FOXP2: variants seen among roughly 807,000 people sequenced by gnomAD.
The protein encoded by FOXP2 is forkhead box P2, also known as forkhead box protein P2.
A neutral mutation model predicts 115.8 loss-of-function variants in FOXP2; 12 were observed. The observed-to-expected ratio is 0.10, with a 90% confidence interval of 0.07 to 0.17. The LOEUF is 0.17. FOXP2 is among the 10% of genes least tolerant of loss of function. FOXP2 has a pLI of 1.00. For missense variants in FOXP2, 629 were observed against 843.5 expected (o/e 0.75, Z 3.15); for synonymous variants, 328 against 297.7 (o/e 1.10, Z -1.05).
chr7:114,168,255 G>T (rs1018064005), intron 1 of FOXP2, among the ~76,000 whole-genome samples: 2 of 152,170 alleles, frequency 1.3e-5, no homozygotes, highest in Non-Finnish European at 2.9e-5. Context: ...AGTTTGGAGG[G>T]CTCAGAAGAA....
At chr7:114,625,381 A>G (rs1481212814) in intron 3 of FOXP2, among the ~76,000 whole-genome samples, 1 of 151,796 alleles carries the variant, frequency 6.6e-6, no homozygotes, top group Admixed American at 6.6e-5. Context: ...ATTTGCATGA[A>G]TCAAATTACA....
chr7:114,236,909 G>A (rs117051740), intron 1 of FOXP2, among the ~76,000 whole-genome samples: 331 of 152,242 alleles, frequency 2.2e-3, no homozygotes, highest in Non-Finnish European at 3.9e-3. Flanking sequence ...CCCAGGAGGT[G>A]AAGGCTGCAG....
chr7:114,652,576 G>A (rs1453055956), intron 9 of FOXP2, among the ~76,000 whole-genome samples: 3 of 152,018 alleles, frequency 2.0e-5, no homozygotes, highest in Non-Finnish European at 4.4e-5. Flanking sequence ...TCCCAATGCA[G>A]GTTAGACCAA....
At chr7:114,386,798 T>A (rs576553570) in intron 2 of FOXP2, among the ~76,000 whole-genome samples, 2 of 152,376 alleles carry the variant, frequency 1.3e-5, no homozygotes, top group African/African-American at 2.4e-5. Flanking sequence ...CATATCTTGC[T>A]ATTGTAATTA....
intron 3 of FOXP2, among the ~76,000 whole-genome samples, chr7:114,575,575 G>C (rs1801529520): frequency 6.6e-6 from 1 of 151,798 alleles, no homozygotes; most frequent in Non-Finnish European, 1.5e-5. Context: ...TTAAGTGGAA[G>C]ACAGCTAAGT....
Position 114,653,911 on chromosome 7 carries a change from A to T in FOXP2, c.1183-15A>T. 6.2e-7 allele frequency: 1 copy of T among 1,611,524 alleles called. No homozygotes were observed. Among genetic ancestry groups the T allele is most frequent in the Non-Finnish European group, 8.5e-7 (1 of 1,178,496 alleles). ...TCATTTCTAAAACGCTTCTGATCTCACTCTTTCTTAACAGCTTTCTAAAGA... is the reference window on the plus strand; with the variant it reads ...TCATTTCTAAAACGCTTCTGATCTCTCTCTTTCTTAACAGCTTTCTAAAGA... On this transcript the variant is annotated splice_polypyrimidine_tract_variant and intron_variant, in intron 9 of 16. Coordinates refer to ENST00000350908, the MANE Select transcript of FOXP2 (RefSeq NM_014491.4).
chr7:114,384,807 T>G (rs764565610), intron 2 of FOXP2, among the ~76,000 whole-genome samples: 12 of 151,706 alleles, frequency 7.9e-5, no homozygotes, highest in Non-Finnish European at 1.8e-4. Flanking sequence ...CCTCTAAAAG[T>G]TACTTTTCTA....
rs145274023 is a variant in FOXP2 at position 114,530,702 on chromosome 7, CA to C, written c.169-3913del. ...GCATTTTCATCCTTAGTTAATTACA[CA>C]ATGACCTACTCATTAGAATTATTCT... is the stretch of plus-strand genomic sequence containing the variant. On this transcript the variant is annotated intron_variant, in intron 2 of 16. Transcript: ENST00000350908. Among the ~76,000 whole-genome samples the C allele has an allele frequency of 1.5e-3, 224 of 151,880 alleles. 1 individual carries two copies. Among genetic ancestry groups the C allele is most frequent in the East Asian group, 0.012 (60 of 5,172 alleles).
intron 1 of FOXP2, among the ~76,000 whole-genome samples, chr7:114,181,476 C>G (rs1377327395): frequency 1.3e-5 from 2 of 151,812 alleles, no homozygotes; most frequent in Non-Finnish European, 2.9e-5. Flanking sequence ...GGTAAATGAA[C>G]CTCTGCTGTC....
chr7:114,329,359 AAT>A (rs1403526816), intron 2 of FOXP2, among the ~76,000 whole-genome samples: 1 of 151,848 alleles, frequency 6.6e-6, no homozygotes, highest in East Asian at 2.0e-4. Flanking sequence ...CTCTACTAAA[AAT>A]AGAAAAAATT....
intron 2 of FOXP2, among the ~76,000 whole-genome samples, chr7:114,517,049 G>C (rs1055925814): frequency 4.0e-5 from 6 of 151,812 alleles, no homozygotes; most frequent in Admixed American, 3.3e-4. Context: ...CATTCTAACA[G>C]ATGTGAGATG....
At chr7:114,352,036 G>A (rs778218530) in intron 2 of FOXP2, among the ~76,000 whole-genome samples, 15 of 151,992 alleles carry the variant, frequency 9.9e-5, no homozygotes, top group Non-Finnish European at 1.8e-4. Flanking sequence ...GGGAGGCCGA[G>A]TCAGATGGAT....
intron 2 of FOXP2, among the ~76,000 whole-genome samples, chr7:114,356,636 CAT>C (rs1791623254): frequency 6.6e-6 from 1 of 152,118 alleles, no homozygotes; most frequent in South Asian, 2.1e-4. Flanking sequence ...GTGAATACCA[CAT>C]GTTCTTGAAG....
intron 1 of FOXP2, among the ~76,000 whole-genome samples, chr7:114,175,552 T>C (rs1793266112): frequency 6.6e-6 from 1 of 152,198 alleles, no homozygotes; most frequent in Non-Finnish European, 1.5e-5. Flanking sequence ...TATTATTGTA[T>C]AACCTAAAAG....
intron 1 of FOXP2, among the ~76,000 whole-genome samples, chr7:114,227,926 T>C (rs1794782292): frequency 6.6e-6 from 1 of 152,012 alleles, no homozygotes; most frequent in Admixed American, 6.6e-5. Context: ...TCACGCTATA[T>C]GTAATATCAC....
intron 1 of FOXP2, among the ~76,000 whole-genome samples, chr7:114,230,313 T>C (rs751543219): frequency 2.0e-5 from 3 of 151,884 alleles, no homozygotes; most frequent in Admixed American, 6.6e-5. Flanking sequence ...AGATTAACAC[T>C]GATTTTTTTC....
chr7:114,652,070 G>A, intron 8 of FOXP2, 133 bp from the exon 9 acceptor site: 2 of 787,726 alleles, frequency 2.5e-6, no homozygotes, highest in South Asian at 1.5e-5. Flanking sequence ...ACTTTTATCT[G>A]TATGGTTTCA....
At chr7:114,485,642 TAAG>T (rs1796740261) in intron 2 of FOXP2, among the ~76,000 whole-genome samples, 1 of 151,980 alleles carries the variant, frequency 6.6e-6, no homozygotes, top group South Asian at 2.1e-4. Context: ...CTAATAACAA[TAAG>T]AAGAATAAGG....
At chr7:114,542,954 C>A (rs1799748929) in intron 3 of FOXP2, among the ~76,000 whole-genome samples, 3 of 151,844 alleles carry the variant, frequency 2.0e-5, no homozygotes, top group Admixed American at 1.3e-4. Flanking sequence ...CCATGCCCAA[C>A]TAATTTTTGT....
Sources: allele counts gnomAD v4.1 joint callset (sites outside exome capture counted in the v4.1 genomes callset), GRCh38; gene constraint gnomAD v4.1.1; transcripts MANE v1.5; gene names NCBI Gene and HGNC (gene_info 2026-07-23, HGNC 2026-07-21).